The following SEPTIN9 variants were observed in gnomAD, a reference collection of about 807,000 sequenced individuals.
SEPTIN9 encodes septin 9.
A neutral mutation model predicts 56.6 loss-of-function variants in SEPTIN9; 13 were observed. The ratio of observed to expected loss-of-function variants is 0.23; its 90% CI spans 0.15 to 0.37. SEPTIN9 has a LOEUF of 0.37. Among genes scored for constraint, SEPTIN9 ranks in the 10% least tolerant of loss-of-function variants. The pLI, the probability that SEPTIN9 is intolerant of heterozygous loss-of-function variation, is 1.00. For synonymous variants in SEPTIN9, 332 were observed against 334.1 expected (o/e 0.99, Z 0.07); for missense variants, 650 against 823.1 (o/e 0.79, Z 2.57).
intron 3 of SEPTIN9, among the ~76,000 whole-genome samples, chr17:77,415,793 T>G (rs1347618557): frequency 6.6e-6 from 1 of 152,142 alleles, no homozygotes; most frequent in Non-Finnish European, 1.5e-5. Context: ...AGGTGGACGG[T>G]GCGGAGGCAT....
chr17:77,427,512 G>T (rs529626066), intron 3 of SEPTIN9, among the ~76,000 whole-genome samples: 6 of 152,186 alleles, frequency 3.9e-5, no homozygotes, highest in Non-Finnish European at 8.8e-5. Context: ...CAATGGGCTG[G>T]GCACAGTGAA....
At position 77,498,812 on chromosome 17, in the gene SEPTIN9, T is replaced by TC. The variant is rs1170318228; in HGVS notation, c.*157dup. 10 of 606,442 alleles carry TC rather than the reference T, an allele frequency of 1.6e-5. No homozygotes were observed. The highest frequency in any genetic ancestry group is 9.0e-5 in the Admixed American group (4 of 44,472). The allele number at this position is 606,442 out of a possible 1,614,324, so 37.6% of individuals were successfully genotyped here. On this transcript the variant is annotated 3_prime_UTR_variant, in exon 12 of 12. Coordinates refer to ENST00000427177, the MANE Select transcript of SEPTIN9 (RefSeq NM_001113491.2). Reference sequence around the variant, plus strand: ...CTGCCAGGAAACAAGGGAAGGGGCCTCCCTCCGAGTGAGTCAGTGATGAGG... The same window carrying TC: ...CTGCCAGGAAACAAGGGAAGGGGCCTCCCCTCCGAGTGAGTCAGTGATGAGG...
At chr17:77,415,941 A>G (rs1204779104) in intron 3 of SEPTIN9, among the ~76,000 whole-genome samples, 3 of 152,230 alleles carry the variant, frequency 2.0e-5, no homozygotes, top group African/African-American at 7.2e-5. Flanking sequence ...TCAGGAGCAA[A>G]ATGTAAGGGG....
chr17:77,391,913 G>A (rs2035553924), intron 2 of SEPTIN9, among the ~76,000 whole-genome samples: 1 of 152,168 alleles, frequency 6.6e-6, no homozygotes, highest in East Asian at 1.9e-4. Flanking sequence ...GGAATCCCAA[G>A]GGCTGGCTGT....
chr17:77,308,386 G>A (rs911429914), intron 2 of SEPTIN9, among the ~76,000 whole-genome samples: 1 of 152,344 alleles, frequency 6.6e-6, no homozygotes, highest in Non-Finnish European at 1.5e-5. Flanking sequence ...GGGGGCAAGG[G>A]CATGTGCCCA....
intron 3 of SEPTIN9, among the ~76,000 whole-genome samples, chr17:77,408,525 A>T (rs1187190027): frequency 6.6e-6 from 1 of 152,228 alleles, no homozygotes; most frequent in Non-Finnish European, 1.5e-5. Flanking sequence ...GGGGCAGAAC[A>T]GGGAGGAATC....
chr17:77,422,204 G>C (rs576112252), intron 3 of SEPTIN9, among the ~76,000 whole-genome samples: 1 of 152,140 alleles, frequency 6.6e-6, no homozygotes, highest in Non-Finnish European at 1.5e-5. Flanking sequence ...TGCAGGACCC[G>C]GGCCTCAGCC....
intron 3 of SEPTIN9, among the ~76,000 whole-genome samples, chr17:77,408,943 C>G (rs1362677921): frequency 1.3e-5 from 2 of 152,136 alleles, no homozygotes; most frequent in African/African-American, 4.8e-5. Flanking sequence ...TGGTAAGCGT[C>G]GAGGGACTCA....
chr17:77,484,910 ATGATGGTGGTGATTG>A (rs1437853752), intron 4 of SEPTIN9, among the ~76,000 whole-genome samples: 2 of 13,682 alleles, frequency 1.5e-4, no homozygotes, highest in Non-Finnish European at 1.5e-4. Flanking sequence ...GGTGATGGTG[ATGATGGTGGTGATTG>A]TGATGGTGGT....
chr17:77,294,880 T>C (rs908450501), intron 1 of SEPTIN9: 2 of 152,246 alleles, frequency 1.3e-5, no homozygotes, highest in Admixed American at 6.5e-5. Flanking sequence ...TTTTTGATTC[T>C]GCGCGGTAGG....
chr17:77,309,709 G>C (rs72880532), intron 2 of SEPTIN9, among the ~76,000 whole-genome samples: 24,088 of 151,728 alleles, frequency 0.16, 2,075 homozygotes, highest in African/African-American at 0.21. Flanking sequence ...CATGATCAAC[G>C]CTTTGGTCAG....
chr17:77,417,082 T>G (rs1329380898), intron 3 of SEPTIN9, among the ~76,000 whole-genome samples: 2 of 152,212 alleles, frequency 1.3e-5, no homozygotes, highest in African/African-American at 4.8e-5. Context: ...TCCTAACCTG[T>G]GGCTTTGGGC....
In SEPTIN9 at chr17:77,487,610, G is replaced by A. The variant is rs559274613; in HGVS notation, c.1042+58G>A. ...ACGCCCCTGCCTTCCTGGAGCACAG[G>A]GGTTGGGGGTCAAGACCATCACACA... On this transcript the variant is annotated intron_variant, in intron 5 of 11. Coordinates refer to ENST00000427177, the MANE Select transcript of SEPTIN9 (RefSeq NM_001113491.2). This position sits in a 1 kb window ranked among gnomAD's most constrained non-coding sequence, Gnocchi z 4.3. 3 of 1,526,184 alleles carry A rather than the reference G, an allele frequency of 2.0e-6. No individual in the cohort carries two copies. In the African/African-American group the frequency reaches 5.1e-5, roughly 26 times the overall value. 94.5% of individuals were successfully genotyped at this position (1,526,184 alleles called of 1,614,324 possible). A position where few individuals can be genotyped will look rare whatever the true frequency, so the allele number is the denominator to read the frequency against.
chr17:77,450,482 G>T lies in SEPTIN9; in HGVS notation c.722-31662G>T, dbSNP rs1411138744. On this transcript the variant is annotated intron_variant, in intron 3 of 11. Transcript: ENST00000427177. This position sits in a 1 kb window ranked among gnomAD's most constrained non-coding sequence, Gnocchi z 6.0. ...GCCCTCGGAACGAGCCCACTCCCAG[G>T]CGCTCTCTCCTAGTGTGGGAGTGGC... is the stretch of plus-strand genomic sequence containing the variant. 5 of 985,314 alleles carry T rather than the reference G, an allele frequency of 5.1e-6. No individual in the cohort carries two copies. In the African/African-American group the frequency reaches 5.2e-5, roughly 10 times the overall value. 61.0% of individuals were successfully genotyped at this position (985,314 alleles called of 1,614,324 possible).
chr17:77,289,452 A>C (rs1263466884), intron 1 of SEPTIN9, among the ~76,000 whole-genome samples: 3 of 119,244 alleles, frequency 2.5e-5, no homozygotes, highest in Non-Finnish European at 4.9e-5. Flanking sequence ...CTTGTTGCCC[A>C]GGCTGGAGTG....
At chr17:77,471,936 G>A (rs986159150) in intron 3 of SEPTIN9, among the ~76,000 whole-genome samples, 3 of 151,958 alleles carry the variant, frequency 2.0e-5, no homozygotes, top group Admixed American at 6.6e-5. Context: ...CAAGGCAAGG[G>A]GGCAGCAGAA....
chr17:77,301,895 G>A (rs2032069506), intron 1 of SEPTIN9, among the ~76,000 whole-genome samples: 1 of 152,118 alleles, frequency 6.6e-6, no homozygotes, highest in Admixed American at 6.5e-5. Flanking sequence ...GGGGTGTGGC[G>A]GTGTCACCCT....
intron 2 of SEPTIN9, among the ~76,000 whole-genome samples, chr17:77,372,213 C>T (rs1343688329): frequency 6.6e-6 from 1 of 152,198 alleles, no homozygotes; most frequent in Non-Finnish European, 1.5e-5. Flanking sequence ...GACGGGGTGA[C>T]AGGGAGAGCA....
rs1010165243 is a variant in SEPTIN9, at chr17:77,330,088, C to G, written c.76+22891C>G. ...GGAATGGGGGGTGGACACTCCAAGA[C>G]TAGCCTCCCAGCCACTCTCCCTGCC... On this transcript the variant is annotated intron_variant, in intron 2 of 11. Transcript: ENST00000427177. The surrounding 1 kb of genome is among the most constrained non-coding windows in gnomAD (Gnocchi z 4.4). 3.3e-5 allele frequency among the ~76,000 whole-genome samples: 5 copies of G among 152,232 alleles called. No individual in the cohort carries two copies. The highest frequency in any genetic ancestry group is 1.2e-4 in the African/African-American group (5 of 41,466).
Sources: gnomAD v4.1 joint callset for allele counts (sites outside exome capture counted in the v4.1 genomes callset) on GRCh38, gnomAD v4.1.1 for gene constraint, Gnocchi (gnomAD v3.1) non-coding constraint, MANE v1.5 for transcripts, NCBI Gene and HGNC (gene_info 2026-07-23, HGNC 2026-07-21) for gene names.